The following CENPP variants were observed in gnomAD, a reference collection of about 807,000 sequenced individuals.
The protein encoded by CENPP is centromere protein P.
In CENPP, 24 loss-of-function variants were observed where a neutral mutation model predicts 35.6. The observed-to-expected ratio is 0.67, with a 90% CI of 0.49 to 0.95. The LOEUF (loss-of-function observed/expected upper bound fraction) is 0.95, where lower values mean the gene tolerates loss of function less well. Ranked by LOEUF, CENPP falls within the 40% of genes least tolerant of loss-of-function variation. The pLI is 0.00. For synonymous variants in CENPP, 120 were observed against 125.5 expected (o/e 0.96, Z 0.29); for missense variants, 332 against 345.3 (o/e 0.96, Z 0.31).
intron 5 of CENPP, among the ~76,000 whole-genome samples, chr9:92,460,220 G>C (rs1448436781): frequency 1.3e-5 from 2 of 151,980 alleles, no homozygotes; most frequent in African/African-American, 2.4e-5. Flanking sequence ...TTTTTTAGTA[G>C]AGATGGGGTT....
intron 5 of CENPP, chr9:92,500,824 C>G: frequency 1.9e-6 from 3 of 1,614,162 alleles, no homozygotes; most frequent in Non-Finnish European, 2.5e-6. Flanking sequence ...AGAAATAATT[C>G]TCTCAGAGAA....
At chr9:92,471,856 C>T (rs924405361) in intron 5 of CENPP, among the ~76,000 whole-genome samples, 2 of 151,958 alleles carry the variant, frequency 1.3e-5, no homozygotes, top group Admixed American at 1.3e-4. Context: ...CACAGCGTTT[C>T]GCCATGTTGG....
intron 5 of CENPP, among the ~76,000 whole-genome samples, chr9:92,543,750 G>A (rs966035397): frequency 1.3e-5 from 2 of 152,082 alleles, no homozygotes; most frequent in African/African-American, 4.8e-5. Flanking sequence ...TTTCAGTGTA[G>A]AGATCTTTCT....
chr9:92,412,998 T>TG (rs1212620893), intron 5 of CENPP, among the ~76,000 whole-genome samples: 1 of 148,104 alleles, frequency 6.8e-6, no homozygotes, highest in African/African-American at 2.5e-5. Flanking sequence ...TTTTTTTTTT[T>TG]TTTGATATGG....
At chr9:92,342,133 T>C (rs914940042) in intron 3 of CENPP, among the ~76,000 whole-genome samples, 1 of 152,348 alleles carries the variant, frequency 6.6e-6, no homozygotes, top group Admixed American at 6.5e-5. Flanking sequence ...CAGGAAGAAG[T>C]TGGGCAAAGA....
Position 92,426,868 on chromosome 9 carries a change from G to T in CENPP, c.564+47009G>T, listed in dbSNP as rs954977049. Among the ~76,000 whole-genome samples the T allele has an allele frequency of 5.3e-5, 8 of 152,268 alleles. No individual in the cohort carries two copies. The East Asian group carries it at 1.5e-3, about 29-fold the overall frequency. On this transcript the variant is annotated intron_variant, in intron 5 of 7. Coordinates refer to ENST00000375587, the MANE Select transcript of CENPP (RefSeq NM_001012267.3). Reference sequence around the variant, plus strand: ...GTTATATACACATAGTACACACATAGACCTCCTTGCTCTGTTGGCTGAGAG... The same window carrying T: ...GTTATATACACATAGTACACACATATACCTCCTTGCTCTGTTGGCTGAGAG...
At chr9:92,514,802 C>T (rs1364302346) in intron 5 of CENPP, 6 of 1,613,856 alleles carry the variant, frequency 3.7e-6, no homozygotes, top group Non-Finnish European at 4.2e-6. Flanking sequence ...AACATATCTC[C>T]TCTTACCGGG....
At chr9:92,575,702 C>T (rs969652453) in intron 5 of CENPP, among the ~76,000 whole-genome samples, 1 of 152,070 alleles carries the variant, frequency 6.6e-6, no homozygotes, top group Non-Finnish European at 1.5e-5. Flanking sequence ...ATCCCAGCTA[C>T]TTGTGGGGTT....
chr9:92,479,675 T>G (rs1040496327), intron 5 of CENPP, among the ~76,000 whole-genome samples: 2 of 152,240 alleles, frequency 1.3e-5, no homozygotes, highest in Non-Finnish European at 2.9e-5. Context: ...GGAAAATTCA[T>G]TTCTCTCTGC....
intron 5 of CENPP, among the ~76,000 whole-genome samples, chr9:92,577,160 T>C (rs749972879): frequency 9.2e-5 from 14 of 152,186 alleles, no homozygotes; most frequent in Non-Finnish European, 1.6e-4. Context: ...AAGATTCACA[T>C]ATCCCTAGGT....
chr9:92,405,440 A>G (rs1564303486), intron 5 of CENPP, among the ~76,000 whole-genome samples: 2 of 152,156 alleles, frequency 1.3e-5, no homozygotes, highest in Non-Finnish European at 2.9e-5. Flanking sequence ...TTTTCTAGAC[A>G]AAATTGTTTT....
At chr9:92,474,652 A>C in intron 5 of CENPP, 1 of 1,613,694 alleles carries the variant, frequency 6.2e-7, no homozygotes, top group Non-Finnish European at 8.5e-7. Flanking sequence ...CAACTCGTGA[A>C]TAGCACTGAC....
chr9:92,579,645 T>C (rs888411404), intron 5 of CENPP, among the ~76,000 whole-genome samples: 2 of 150,616 alleles, frequency 1.3e-5, no homozygotes, highest in African/African-American at 4.9e-5. Context: ...TTTTGTACAT[T>C]GATTTTGTAT....
At chr9:92,575,024 A>C (rs531159190) in intron 5 of CENPP, among the ~76,000 whole-genome samples, 2 of 152,332 alleles carry the variant, frequency 1.3e-5, no homozygotes, top group East Asian at 3.9e-4. Flanking sequence ...AAAAGTATGA[A>C]GTTGGAACCT....
intron 5 of CENPP, among the ~76,000 whole-genome samples, chr9:92,429,585 C>T (rs1844051740): frequency 1.3e-5 from 2 of 152,046 alleles, no homozygotes. Context: ...TCAGGAGTTC[C>T]AGACTAGTCT....
At chr9:92,393,299 C>T in intron 5 of CENPP, 1 of 1,380,916 alleles carries the variant, frequency 7.2e-7, no homozygotes, top group South Asian at 1.4e-5. Context: ...AATATTTCTC[C>T]TCTAGTAGTA....
intron 5 of CENPP, among the ~76,000 whole-genome samples, chr9:92,553,196 G>A (rs1849650437): frequency 6.6e-6 from 1 of 152,030 alleles, no homozygotes; most frequent in Non-Finnish European, 1.5e-5. Context: ...GTTTTTGTTT[G>A]CTTTGTCGAA....
At chr9:92,494,088 A>G (rs746703668) in intron 5 of CENPP, 21 of 1,597,364 alleles carry the variant, frequency 1.3e-5, no homozygotes, top group Non-Finnish European at 2.5e-6. Flanking sequence ...TGCCTCTACC[A>G]GAGAGGAAAG....
At chr9:92,561,756 T>C (rs1849852616) in intron 5 of CENPP, among the ~76,000 whole-genome samples, 1 of 152,178 alleles carries the variant, frequency 6.6e-6, no homozygotes, top group Non-Finnish European at 1.5e-5. Context: ...TGTTCCTGCA[T>C]ACAGTATACC....
Sources: gnomAD v4.1 joint callset for allele counts (sites outside exome capture counted in the v4.1 genomes callset) on GRCh38, gnomAD v4.1.1 for gene constraint, MANE v1.5 for transcripts, NCBI Gene and HGNC (gene_info 2026-07-23, HGNC 2026-07-21) for gene names.